RARB: variants seen among roughly 807,000 people sequenced by gnomAD.
The protein encoded by RARB is retinoic acid receptor beta, also known as HBV-activated protein.
Under a neutral mutation model 51.9 loss-of-function variants are expected in RARB, and 17 were observed. The observed-to-expected ratio is 0.33, with a 90% CI of 0.22 to 0.49. The LOEUF (loss-of-function observed/expected upper bound fraction) is 0.49, where lower values mean the gene tolerates loss of function less well. Among genes scored for constraint, RARB ranks in the 20% least tolerant of loss-of-function variants. The pLI is 0.99. For missense variants in RARB, 369 were observed against 550.8 expected, an observed-to-expected ratio of 0.67 and a Z score of 3.30; for synonymous variants, 215 against 195.4, an observed-to-expected ratio of 1.10 and a Z score of -0.84.
rs531205194 is a variant in RARB at position 25,156,290 on chromosome 3, CT to C, written c.-279-17828del. ...ATCTTCTTTGTTTCTGTAAGAATGCCTCTGCAACTGAATTCAGCCCATTTCT... is the reference window on the plus strand; with the variant it reads ...ATCTTCTTTGTTTCTGTAAGAATGCCCTGCAACTGAATTCAGCCCATTTCT... On this transcript the variant is annotated intron_variant, in intron 4 of 11. Transcript: ENST00000383772. Among the ~76,000 whole-genome samples the C allele has an allele frequency of 6.0e-4, 92 of 152,146 alleles. 2 individuals carry two copies. The South Asian group carries it at 0.013, about 21-fold the overall frequency.
chr3:25,554,210 A>G (rs1277595510), intron 3 of RARB, among the ~76,000 whole-genome samples: 2 of 147,706 alleles, frequency 1.4e-5, no homozygotes, highest in Non-Finnish European at 1.5e-5. Flanking sequence ...AACAACTGAC[A>G]TCTAGTATGT....
chr3:25,058,961 A>C (rs1041023787), intron 2 of RARB, among the ~76,000 whole-genome samples: 1 of 151,760 alleles, frequency 6.6e-6, no homozygotes, highest in Non-Finnish European at 1.5e-5. Flanking sequence ...TTCCAAAAAA[A>C]ATTTTACCCA....
chr3:25,184,743 T>C (rs753903999), intron 5 of RARB, among the ~76,000 whole-genome samples: 3 of 152,056 alleles, frequency 2.0e-5, no homozygotes, highest in Non-Finnish European at 4.4e-5. Flanking sequence ...GAGTAAAAAG[T>C]AGGCTAAGTA....
rs145288732 is a variant in RARB at position 25,114,520 on chromosome 3, G to T, written c.-327-17641G>T. ...AGGATGTGTAACTTTATATTTTACC[G>T]ATTGTAAGAAAAACTTCCCACTTGC... On this transcript the variant is annotated intron_variant, in intron 3 of 11. Transcript: ENST00000383772. Among the ~76,000 whole-genome samples the T allele has an allele frequency of 4.5e-4, 69 of 152,240 alleles. 1 individual carries two copies. The East Asian group carries it at 0.01, about 23-fold the overall frequency.
intron 5 of RARB, among the ~76,000 whole-genome samples, chr3:25,253,642 GAAAAT>G (rs561573597): frequency 1.3e-4 from 19 of 151,980 alleles, no homozygotes; most frequent in Non-Finnish European, 2.6e-4. Flanking sequence ...CAAGAAAGAA[GAAAAT>G]AAAATTAATT....
chr3:25,410,059 G>A (rs1035663183), intron 5 of RARB, among the ~76,000 whole-genome samples: 4 of 152,084 alleles, frequency 2.6e-5, no homozygotes, highest in Non-Finnish European at 5.9e-5. Context: ...TTCATTCATT[G>A]TCTTAGCCTA....
chr3:24,959,883 A>G (rs1199885829), intron 2 of RARB, among the ~76,000 whole-genome samples: 1 of 152,238 alleles, frequency 6.6e-6, no homozygotes, highest in Non-Finnish European at 1.5e-5. Flanking sequence ...TAGAAAATTG[A>G]CATTATTATC....
intron 3 of RARB, among the ~76,000 whole-genome samples, chr3:25,099,815 T>A (rs1699365496): frequency 6.6e-6 from 1 of 152,108 alleles, no homozygotes; most frequent in Non-Finnish European, 1.5e-5. Context: ...TTACAGAGCT[T>A]GGCTTACCTC....
intron 5 of RARB, among the ~76,000 whole-genome samples, chr3:25,227,436 T>A (rs368243983): frequency 6.6e-6 from 1 of 152,182 alleles, no homozygotes; most frequent in South Asian, 2.1e-4. Context: ...TCCCCCACTC[T>A]GCCAAAATTC....
intron 3 of RARB, among the ~76,000 whole-genome samples, chr3:25,069,501 A>G (rs1272492088): frequency 2.0e-5 from 3 of 152,168 alleles, no homozygotes; most frequent in Non-Finnish European, 4.4e-5. Context: ...TATTGAATAG[A>G]GTTCTTAGGT....
chr3:25,105,178 C>T (rs1415615715), intron 3 of RARB, among the ~76,000 whole-genome samples: 1 of 151,848 alleles, frequency 6.6e-6, no homozygotes, highest in African/African-American at 2.4e-5. Flanking sequence ...TACTTTTGCT[C>T]CCCTCAGTTT....
intron 5 of RARB, among the ~76,000 whole-genome samples, chr3:25,368,087 A>G (rs1204444465): frequency 6.6e-6 from 1 of 152,154 alleles, no homozygotes; most frequent in Non-Finnish European, 1.5e-5. Context: ...ATTCTTTCTG[A>G]CTTTTTTAGG....
intron 3 of RARB, among the ~76,000 whole-genome samples, chr3:25,061,768 T>A (rs1320759877): frequency 6.6e-6 from 1 of 151,800 alleles, no homozygotes; most frequent in African/African-American, 2.4e-5. Flanking sequence ...ATGACTATGG[T>A]TTACAATTTA....
intron 3 of RARB, among the ~76,000 whole-genome samples, chr3:25,118,519 A>C (rs930835630): frequency 1.3e-5 from 2 of 152,168 alleles, no homozygotes; most frequent in Admixed American, 6.5e-5. Flanking sequence ...GGAATCCTCC[A>C]TAGGTGCATC....
Position 24,952,875 on chromosome 3 carries a change from AT to A in RARB, c.-380+94131del, listed in dbSNP as rs150342797. On this transcript the variant is annotated intron_variant, in intron 2 of 11. Transcript: ENST00000383772. ...AACAACCCCCAACAGTAAAACTGGT[AT>A]TTTTTTTGTTTGTTTGTTTTGTTTT... Among the ~76,000 whole-genome samples the A allele has an allele frequency of 8.2e-3, 1,222 of 149,492 alleles. 12 individuals carry two copies. Among genetic ancestry groups the A allele is most frequent in the African/African-American group, 0.025 (1,025 of 40,250 alleles).
intron 2 of RARB, among the ~76,000 whole-genome samples, chr3:25,483,025 A>G (rs1304231284): frequency 1.3e-5 from 2 of 152,212 alleles, no homozygotes; most frequent in Admixed American, 1.3e-4. Flanking sequence ...TCTCAGTTTG[A>G]ATGAGCCACA....
Position 25,461,478 on chromosome 3 carries a change from G to T in RARB, c.306+137G>T, listed in dbSNP as rs1232639120. 5 of 1,023,638 alleles carry T rather than the reference G, an allele frequency of 4.9e-6. No homozygotes were observed. In the African/African-American group the frequency reaches 8.1e-5, roughly 17 times the overall value. The allele number at this position is 1,023,638 out of a possible 1,614,324, so 63.4% of individuals were successfully genotyped here. A position where few individuals can be genotyped will look rare whatever the true frequency, so the allele number is the denominator to read the frequency against. ...TGTGGTGAATTCAGTTATATTCAGT[G>T]GTTTTTATTACTTCCTTATATATCT... On this transcript the variant is annotated intron_variant, in intron 2 of 7. Transcript: ENST00000330688.
chr3:24,888,085 A>G (rs1703297896), intron 2 of RARB, among the ~76,000 whole-genome samples: 1 of 152,148 alleles, frequency 6.6e-6, no homozygotes, highest in South Asian at 2.1e-4. Context: ...ATGAGTCCTC[A>G]TTTTTGAGGG....
chr3:25,315,981 T>C (rs1212137673), intron 5 of RARB, among the ~76,000 whole-genome samples: 1 of 152,204 alleles, frequency 6.6e-6, no homozygotes, highest in Non-Finnish European at 1.5e-5. Context: ...TGTAACTACT[T>C]GCCACATTAA....
Sources: gnomAD v4.1 joint callset for allele counts (sites outside exome capture counted in the v4.1 genomes callset) on GRCh38, gnomAD v4.1.1 for gene constraint, MANE v1.5 for transcripts, NCBI Gene and HGNC (gene_info 2026-07-23, HGNC 2026-07-21) for gene names.